PSPH: variants seen among roughly 807,000 people sequenced by gnomAD.
PSPH encodes the protein phosphoserine phosphatase, also known as L-3-phosphoserine phosphatase.
Under a neutral mutation model 23.4 loss-of-function variants are expected in PSPH, and 16 were observed. The ratio of observed to expected loss-of-function variants is 0.68; its 90% CI spans 0.46 to 1.04. The LOEUF is 1.04. Ranked by LOEUF, PSPH falls within the 50% of genes least tolerant of loss-of-function variation. The pLI is 0.00. For missense variants in PSPH, 223 were observed against 273.7 expected (o/e 0.81, Z 1.31); for synonymous variants, 68 against 99.7 (o/e 0.68, Z 1.89).
chr7:56,051,422 C>G lies in PSPH; in HGVS notation c.-576G>C, dbSNP rs1355650271. 1 of 207,426 alleles carries G rather than the reference C, an allele frequency of 4.8e-6. No homozygotes were observed. The highest frequency in any genetic ancestry group is 5.7e-5 in the Admixed American group (1 of 17,438). The allele number at this position is 207,426 out of a possible 1,614,324, so 12.8% of individuals were successfully genotyped here. Reference sequence around the variant, plus strand: ...CCACGGCACCTAGGGCACCGTCGAGCACACGGTCCGGGAAGCTCCAATGAA... The same window carrying G: ...CCACGGCACCTAGGGCACCGTCGAGGACACGGTCCGGGAAGCTCCAATGAA... On this transcript the variant is annotated 5_prime_UTR_variant, in exon 1 of 8. Coordinates refer to ENST00000275605, the MANE Select transcript of PSPH (RefSeq NM_004577.4).
intron 1 of PSPH, among the ~76,000 whole-genome samples, chr7:56,039,703 G>C (rs1482229225): frequency 6.8e-6 from 1 of 147,324 alleles, no homozygotes; most frequent in Non-Finnish European, 1.5e-5. Context: ...TTGAACCCAG[G>C]AAGTGGAGGT....
At chr7:56,032,862 G>A (rs1169320024) in intron 2 of PSPH, among the ~76,000 whole-genome samples, 5 of 151,716 alleles carry the variant, frequency 3.3e-5, no homozygotes, top group Non-Finnish European at 4.4e-5. Context: ...TGAGGCAGGA[G>A]TTTGGGCTCA....
intron 1 of PSPH, among the ~76,000 whole-genome samples, chr7:56,034,778 A>G (rs1248524835): frequency 3.3e-5 from 5 of 151,938 alleles, no homozygotes; most frequent in Non-Finnish European, 5.9e-5. Flanking sequence ...GGCCTCCCAA[A>G]GTGCTGGGAT....
intron 1 of PSPH, among the ~76,000 whole-genome samples, chr7:56,034,682 A>AT (rs1791492703): frequency 6.6e-6 from 1 of 151,794 alleles, no homozygotes. Flanking sequence ...CGCCCGGCTA[A>AT]TTTTTTGTAT....
intron 1 of PSPH, among the ~76,000 whole-genome samples, chr7:56,041,209 CTTTTTTTT>C (rs1163943212): frequency 7.7e-6 from 1 of 130,404 alleles, no homozygotes; most frequent in Admixed American, 7.9e-5. Context: ...CTCTCTCTCT[CTTTTTTTT>C]TTTTTTTTTT....
rs1789086352 is a variant in PSPH at position 56,019,785 on chromosome 7, T to A, written c.141-51A>T. 4 of 1,605,776 alleles carry A rather than the reference T, an allele frequency of 2.5e-6. No individual in the cohort carries two copies. The East Asian group carries it at 8.9e-5, about 36-fold the overall frequency. The stretch of plus-strand genomic sequence containing the variant: ...CCAGCCAGGTCCGATGTCCTCAAGG[T>A]TAACATGCCTTACTGCCCCGGGTCT... On this transcript the variant is annotated intron_variant, in intron 4 of 7. Coordinates refer to ENST00000275605, the MANE Select transcript of PSPH (RefSeq NM_004577.4).
chr7:56,035,298 T>C lies in PSPH; in HGVS notation c.-291-1192A>G, dbSNP rs560324599. ...GGGAGGAGGTTGCAGTGAACCAAGATCGTGCCACTGCACTACAGCCTGAGC... is the reference window on the plus strand; with the variant it reads ...GGGAGGAGGTTGCAGTGAACCAAGACCGTGCCACTGCACTACAGCCTGAGC... On this transcript the variant is annotated intron_variant, in intron 1 of 7. Transcript: ENST00000275605. Among the ~76,000 whole-genome samples the C allele has an allele frequency of 2.0e-5, 3 of 152,100 alleles. No homozygotes were observed. The East Asian group carries it at 5.8e-4, about 30-fold the overall frequency.
intron 3 of PSPH, among the ~76,000 whole-genome samples, chr7:56,023,257 A>C (rs1789713489): frequency 6.6e-6 from 1 of 150,816 alleles, no homozygotes; most frequent in South Asian, 2.1e-4. Flanking sequence ...ACAGAGAGTC[A>C]AAACAAATTT....
rs1428284278 is a variant in PSPH at position 56,011,758 on chromosome 7, G to C, written c.*4C>G. On this transcript the variant is annotated 3_prime_UTR_variant, in exon 8 of 8. Transcript: ENST00000275605. ...AGTTGTTTGGAGCTGTACGACAATGGATGTTATTCTTCCAGTTCTCCCAGC... is the reference window on the plus strand; with the variant it reads ...AGTTGTTTGGAGCTGTACGACAATGCATGTTATTCTTCCAGTTCTCCCAGC... 3.7e-6 allele frequency: 6 copies of C among 1,602,456 alleles called. No individual in the cohort carries two copies. Among genetic ancestry groups the C allele is most frequent in the Non-Finnish European group, 3.4e-6 (4 of 1,169,680 alleles).
At chr7:56,046,798 CAA>C (rs532617669) in intron 1 of PSPH, among the ~76,000 whole-genome samples, 15 of 68,174 alleles carry the variant, frequency 2.2e-4, no homozygotes, top group Non-Finnish European at 2.6e-4. Flanking sequence ...GACTCCACCT[CAA>C]AAAAAAAAAA....
In PSPH at chr7:56,011,814, G is replaced by A. The variant is rs776993952; in HGVS notation, c.626C>T (p.Ala209Val). 7 of 1,613,436 alleles carry A rather than the reference G, an allele frequency of 4.3e-6. No individual in the cohort carries two copies. Among genetic ancestry groups the A allele is most frequent in the Non-Finnish European group, 5.9e-6 (7 of 1,179,634 alleles). Residue 209 changes from alanine to valine, a missense_variant, in exon 8 of 8, where the codon GCC becomes GTC. Physicochemically the swap from Ala to Val is moderately conservative, Grantham distance 64. Coordinates refer to ENST00000275605, the MANE Select transcript of PSPH (RefSeq NM_004577.4). ...TACAAAATCAGTGATATACCATTTGGCGTTATCCTTGACTTGTTGCCTGAT... is the reference window on the plus strand; with the variant it reads ...TACAAAATCAGTGATATACCATTTGACGTTATCCTTGACTTGTTGCCTGAT... The part of the protein sequence containing the change: ...NVIRQQVKDN[A>V]KWYITDFVEL...
chr7:56,020,452 C>T (rs944818010), intron 4 of PSPH, among the ~76,000 whole-genome samples: 4 of 151,644 alleles, frequency 2.6e-5, no homozygotes, highest in Non-Finnish European at 5.9e-5. Context: ...TGGTGAAACC[C>T]CATCTCTACT....
intron 3 of PSPH, among the ~76,000 whole-genome samples, chr7:56,024,823 A>G (rs201848856): frequency 1.2e-5 from 1 of 80,850 alleles, no homozygotes; most frequent in Non-Finnish European, 2.7e-5. Context: ...TTTTTTTTTG[A>G]GAAGGAGTCT....
chr7:56,011,663 T>C lies in PSPH; in HGVS notation c.*99A>G. 2 of 911,334 alleles carry C rather than the reference T, an allele frequency of 2.2e-6. No individual in the cohort carries two copies. The highest frequency in any genetic ancestry group is 3.6e-6 in the Non-Finnish European group (2 of 556,072). 56.5% of individuals were successfully genotyped at this position (911,334 alleles called of 1,614,324 possible). A position where few individuals can be genotyped will look rare whatever the true frequency, so the allele number is the denominator to read the frequency against. ...GTACAGATCATTTGTACCAACTTTC[T>C]ATAGCAAGTTGTAATAGGCAACTGT... On this transcript the variant is annotated 3_prime_UTR_variant, in exon 8 of 8. Coordinates refer to ENST00000275605, the MANE Select transcript of PSPH (RefSeq NM_004577.4).
At chr7:56,025,016 C>G (rs1789996179) in intron 3 of PSPH, among the ~76,000 whole-genome samples, 1 of 151,730 alleles carries the variant, frequency 6.6e-6, no homozygotes, top group Non-Finnish European at 1.5e-5. Flanking sequence ...GTTGGCCTGT[C>G]TGGTCTCGAA....
rs202023609 is a variant in PSPH at position 56,050,150 on chromosome 7, G to GT, written c.-292+987dup. Among the ~76,000 whole-genome samples the GT allele has an allele frequency of 4.9e-3, 744 of 152,252 alleles. 9 individuals are homozygous for GT. Among genetic ancestry groups the GT allele is most frequent in the African/African-American group, 0.017 (689 of 41,538 alleles). ...AGTGCTACTAGTCACATATATAGATGTTTTTGTGATTCTCAAATACACAAA... is the reference window on the plus strand; with the variant it reads ...AGTGCTACTAGTCACATATATAGATGTTTTTTGTGATTCTCAAATACACAAA... On this transcript the variant is annotated intron_variant, in intron 1 of 7. Transcript: ENST00000275605.
intron 4 of PSPH, among the ~76,000 whole-genome samples, chr7:56,019,964 CCAAA>C (rs1192682535): frequency 6.6e-6 from 1 of 151,952 alleles, no homozygotes; most frequent in African/African-American, 2.4e-5. Context: ...GCCCATAATC[CCAAA>C]CACTTTGGGA....
intron 7 of PSPH, among the ~76,000 whole-genome samples, chr7:56,013,156 T>TACACACACAC (rs34329610): frequency 0.085 from 12,086 of 142,020 alleles, 617 homozygotes; most frequent in Non-Finnish European, 0.12. Flanking sequence ...TGTATGTGTA[T>TACACACACAC]ACACACACAC....
At chr7:56,019,774 T>G (rs927670275) in intron 4 of PSPH, 40 bp from the exon 5 acceptor site, 16 of 1,609,188 alleles carry the variant, frequency 9.9e-6, no homozygotes, top group Non-Finnish European at 1.3e-5. Flanking sequence ...CCAGGTCCGA[T>G]GTCCTCAAGG....
Sources: allele counts gnomAD v4.1 joint callset (sites outside exome capture counted in the v4.1 genomes callset), GRCh38; gene constraint gnomAD v4.1.1; transcripts MANE v1.5; gene names NCBI Gene and HGNC (gene_info 2026-07-23, HGNC 2026-07-21).